The following TMEM150C variants were observed in gnomAD, a reference collection of about 807,000 sequenced individuals.
The protein encoded by TMEM150C is transmembrane protein 150C.
Under a neutral mutation model 29.9 loss-of-function variants are expected in TMEM150C, and 10 were observed. That is an observed-to-expected ratio of 0.33 (90% CI 0.21 to 0.57). TMEM150C has a LOEUF of 0.57. Among genes scored for constraint, TMEM150C ranks in the 20% least tolerant of loss-of-function variants. The probability of loss-of-function intolerance (pLI) is 0.88; values close to 1 mark genes in which losing one functional copy is unlikely to be tolerated. For missense variants in TMEM150C, 251 were observed against 303.6 expected (o/e 0.83, Z 1.29); for synonymous variants, 101 against 112.5 (o/e 0.90, Z 0.64).
chr4:82,551,375 T>C (rs558226339), intron 1 of TMEM150C, among the ~76,000 whole-genome samples: 98 of 152,330 alleles, frequency 6.4e-4, no homozygotes, highest in African/African-American at 2.3e-3. Context: ...CAGTGCTCTA[T>C]CACCAATACC....
At chr4:82,491,314 G>T (rs1361217249) in intron 6 of TMEM150C, 1 of 673,046 alleles carries the variant, frequency 1.5e-6, no homozygotes, top group Non-Finnish European at 2.7e-6. Context: ...TTTGTCTCTG[G>T]TCTGTACCTG....
chr4:82,539,458 A>AATTTTT (rs1490994736), intron 1 of TMEM150C, among the ~76,000 whole-genome samples: 1 of 120,330 alleles, frequency 8.3e-6, no homozygotes, highest in Non-Finnish European at 1.6e-5. Flanking sequence ...AATCCAAACA[A>AATTTTT]CTTTTTTTTT....
chr4:82,547,681 A>G (rs1725432715), intron 1 of TMEM150C, among the ~76,000 whole-genome samples: 1 of 152,240 alleles, frequency 6.6e-6, no homozygotes, highest in African/African-American at 2.4e-5. Flanking sequence ...CAGAATGGCT[A>G]TTATTAAAAT....
At chr4:82,496,749 G>A (rs554196846) in intron 5 of TMEM150C, among the ~76,000 whole-genome samples, 5 of 152,328 alleles carry the variant, frequency 3.3e-5, no homozygotes, top group East Asian at 1.9e-4. Flanking sequence ...TGGTGCCAGC[G>A]CCATAAACCA....
intron 1 of TMEM150C, among the ~76,000 whole-genome samples, chr4:82,518,201 A>C (rs964152576): frequency 2.0e-5 from 3 of 152,086 alleles, no homozygotes; most frequent in African/African-American, 7.2e-5. Flanking sequence ...CTGTAATCCC[A>C]GCTACTGGGG....
intron 1 of TMEM150C, among the ~76,000 whole-genome samples, chr4:82,528,780 A>G (rs143615275): frequency 0.036 from 5,466 of 151,624 alleles, 311 homozygotes; most frequent in African/African-American, 0.12. Context: ...ATTTTTAGTA[A>G]AGACGGGGTT....
intron 6 of TMEM150C, among the ~76,000 whole-genome samples, 183 bp from the exon 7 acceptor site, chr4:82,490,421 G>A (rs1723299368): frequency 6.6e-6 from 1 of 152,020 alleles, no homozygotes; most frequent in Non-Finnish European, 1.5e-5. Flanking sequence ...AGGGGATGAA[G>A]GAAATAAATA....
intron 1 of TMEM150C, among the ~76,000 whole-genome samples, chr4:82,512,130 A>T (rs1724146710): frequency 6.6e-6 from 1 of 152,170 alleles, no homozygotes; most frequent in Admixed American, 6.5e-5. Flanking sequence ...CTGAGCAGCA[A>T]ATGGGAAGAA....
intron 1 of TMEM150C, among the ~76,000 whole-genome samples, chr4:82,533,483 C>T (rs1724915818): frequency 6.6e-6 from 1 of 152,146 alleles, no homozygotes; most frequent in African/African-American, 2.4e-5. Flanking sequence ...TCAACTCTCA[C>T]AGTTTTGAGC....
chr4:82,552,685 T>C (rs1194451070), intron 1 of TMEM150C, among the ~76,000 whole-genome samples: 3 of 152,150 alleles, frequency 2.0e-5, no homozygotes, highest in African/African-American at 7.2e-5. Context: ...ACCCAGAGAT[T>C]CTGATTTAAT....
chr4:82,516,031 C>T (rs139031606), intron 1 of TMEM150C, among the ~76,000 whole-genome samples: 1,749 of 152,212 alleles, frequency 0.011, 37 homozygotes, highest in African/African-American at 0.04. Flanking sequence ...CTGACATCAA[C>T]ACCTCAGGCC....
In TMEM150C at chr4:82,504,646, C is replaced by G. The variant is rs368025763; in HGVS notation, c.12G>C (p.Lys4Asn). 3 of 1,613,414 alleles carry G rather than the reference C, an allele frequency of 1.9e-6. No individual in the cohort carries two copies. The highest frequency in any genetic ancestry group is 2.5e-6 in the Non-Finnish European group (3 of 1,179,582). Reference sequence around the variant, plus strand: ...GTAGGAACATCCATACGCTGCATTTCTTCCCATCCATGCCTGTACCACTGA... The same window carrying G: ...GTAGGAACATCCATACGCTGCATTTGTTCCCATCCATGCCTGTACCACTGA... MDG[K>N]KCSVWMFLPL... Residue 4 changes from lysine (K) to asparagine (N), a missense_variant, in exon 2 of 8, where the codon AAG (lysine) becomes AAC (asparagine). Lys to Asn is a moderately conservative substitution (Grantham distance 94). Coordinates refer to ENST00000449862, the MANE Select transcript of TMEM150C (RefSeq NM_001080506.3).
At chr4:82,529,171 T>A (rs1240664323) in intron 1 of TMEM150C, among the ~76,000 whole-genome samples, 1 of 152,010 alleles carries the variant, frequency 6.6e-6, no homozygotes, top group African/African-American at 2.4e-5. Flanking sequence ...AAGGGGATGC[T>A]GCCAAGGAAG....
At chr4:82,532,490 G>A (rs1724878144) in intron 1 of TMEM150C, among the ~76,000 whole-genome samples, 1 of 152,136 alleles carries the variant, frequency 6.6e-6, no homozygotes, top group African/African-American at 2.4e-5. Flanking sequence ...AAATTAACAT[G>A]AAGAAATCCT....
rs375093921 is a variant in TMEM150C at position 82,509,073 on chromosome 4, ACT to A, written c.-10-4408_-10-4407del. Reference sequence around the variant, plus strand: ...TCTTCCTAAAGAGCCAATACTGCAAACTCTCTGTATATTTCTGTCGCATGTTC... The same window carrying A: ...TCTTCCTAAAGAGCCAATACTGCAAACTCTGTATATTTCTGTCGCATGTTC... On this transcript the variant is annotated intron_variant, in intron 1 of 7. Coordinates refer to ENST00000449862, the MANE Select transcript of TMEM150C (RefSeq NM_001080506.3). Among the ~76,000 whole-genome samples the A allele has an allele frequency of 1.1e-4, 16 of 152,144 alleles. No individual in the cohort carries two copies. The East Asian group carries it at 3.1e-3, about 29-fold the overall frequency.
rs182562557 is a variant in TMEM150C at position 82,557,839 on chromosome 4, G to A, written c.-11+4067C>T. 2.6e-3 allele frequency among the ~76,000 whole-genome samples: 396 copies of A among 150,850 alleles called. 2 individuals carry two copies. The highest frequency in any genetic ancestry group is 4.1e-3 in the Non-Finnish European group (275 of 67,852). On this transcript the variant is annotated intron_variant, in intron 1 of 7. Coordinates refer to ENST00000449862, the MANE Select transcript of TMEM150C (RefSeq NM_001080506.3). ...ACCTCTGCCTCTCCCGGGACCAAGC[G>A]ATTCTCCTGTCTCACCCTCCCTGGG...
rs1723111976 is a variant in TMEM150C at position 82,484,995 on chromosome 4, A to G, written c.*516T>C. On this transcript the variant is annotated 3_prime_UTR_variant, in exon 8 of 8. Coordinates refer to ENST00000449862, the MANE Select transcript of TMEM150C (RefSeq NM_001080506.3). ...CTTTCGTGGGAAAGTTCTTCTCACT[A>G]TGCCTTTCCACAGGCGACACAGGGT... The G allele has an allele frequency of 1.3e-5, 2 of 153,740 alleles. No individual in the cohort carries two copies. Among genetic ancestry groups the G allele is most frequent in the African/African-American group, 4.8e-5 (2 of 41,450 alleles). 9.5% of individuals were successfully genotyped at this position (153,740 alleles called of 1,614,324 possible). A position where few individuals can be genotyped will look rare whatever the true frequency, so the allele number is the denominator to read the frequency against.
chr4:82,501,758 T>C (rs954896796), intron 5 of TMEM150C, among the ~76,000 whole-genome samples: 2 of 152,180 alleles, frequency 1.3e-5, no homozygotes, highest in African/African-American at 2.4e-5. Context: ...CCCATTCTTA[T>C]AGCAAATATT....
intron 1 of TMEM150C, among the ~76,000 whole-genome samples, chr4:82,522,771 G>A (rs142156631): frequency 5.9e-5 from 9 of 152,232 alleles, no homozygotes; most frequent in African/African-American, 1.9e-4. Context: ...CAAGGAGCTG[G>A]GTGGGGGGCT....
Sources: allele counts gnomAD v4.1 joint callset (sites outside exome capture counted in the v4.1 genomes callset), GRCh38; gene constraint gnomAD v4.1.1; transcripts MANE v1.5; gene names NCBI Gene and HGNC (gene_info 2026-07-23, HGNC 2026-07-21).